NAV3: variants seen among roughly 807,000 people sequenced by gnomAD.
NAV3 encodes neuron navigator 3, also known as pore membrane and/or filament interacting like protein 1.
A neutral mutation model predicts 244.7 loss-of-function variants in NAV3; 87 were observed. The ratio of observed to expected loss-of-function variants is 0.36; its 90% CI spans 0.30 to 0.42. The LOEUF (loss-of-function observed/expected upper bound fraction) is 0.42. NAV3 is among the 20% of genes least tolerant of loss of function. The probability of loss-of-function intolerance (pLI) is 1.00; values close to 1 mark genes in which losing one functional copy is unlikely to be tolerated. For synonymous variants in NAV3, 1,126 were observed against 1,042.2 expected, an observed-to-expected ratio of 1.08 and a Z score of -1.55; for missense variants, 2,663 against 2,893.3, an observed-to-expected ratio of 0.92 and a Z score of 1.83.
At chr12:77,867,271 TTCTC>T (rs1054817798) in intron 1 of NAV3, among the ~76,000 whole-genome samples, 9 of 152,212 alleles carry the variant, frequency 5.9e-5, no homozygotes, top group African/African-American at 2.2e-4. Context: ...CTTGCTCTCA[TTCTC>T]TCTTTCCTGT....
chr12:78,189,045 A>G (rs1958853490), intron 33 of NAV3, among the ~76,000 whole-genome samples: 1 of 151,876 alleles, frequency 6.6e-6, no homozygotes, highest in African/African-American at 2.4e-5. Flanking sequence ...TAGGAATTTC[A>G]AATTTCTGGA....
intron 2 of NAV3, among the ~76,000 whole-genome samples, chr12:77,654,680 T>C (rs1266132561): frequency 1.3e-5 from 2 of 152,114 alleles, no homozygotes; most frequent in Middle Eastern, 3.2e-3. Flanking sequence ...CCCTGACCCC[T>C]GAGCAGCCTA....
chr12:78,196,417 A>G (rs931912586), intron 34 of NAV3, among the ~76,000 whole-genome samples: 1 of 152,020 alleles, frequency 6.6e-6, no homozygotes, highest in East Asian at 1.9e-4. Context: ...AACCAAAATC[A>G]TGGAATTGTT....
At chr12:78,090,189 G>GTATA (rs34476960) in intron 12 of NAV3, among the ~76,000 whole-genome samples, 89 of 146,562 alleles carry the variant, frequency 6.1e-4, no homozygotes, top group African/African-American at 2.1e-3. Context: ...ATATATGTGT[G>GTATA]TATATATATA....
intron 1 of NAV3, among the ~76,000 whole-genome samples, chr12:77,845,099 T>G (rs1206650461): frequency 6.6e-6 from 1 of 152,188 alleles, no homozygotes; most frequent in African/African-American, 2.4e-5. Context: ...CGAGAAAAAT[T>G]TACACACAGT....
intron 2 of NAV3, among the ~76,000 whole-genome samples, chr12:77,605,401 A>C (rs2136790197): frequency 6.6e-6 from 1 of 152,196 alleles, no homozygotes; most frequent in East Asian, 1.9e-4. Flanking sequence ...ATTGGTTATC[A>C]TTATATTTTT....
At chr12:77,968,827 T>A in intron 5 of NAV3, 125 bp downstream of exon 5, 1 of 930,326 alleles carries the variant, frequency 1.1e-6, no homozygotes, top group Non-Finnish European at 1.6e-6. Flanking sequence ...GATGGGATTA[T>A]TTGACTTGTG....
At chr12:77,659,197 C>T (rs181115861) in intron 2 of NAV3, among the ~76,000 whole-genome samples, 3,815 of 151,092 alleles carry the variant, frequency 0.025, 168 homozygotes, top group African/African-American at 0.088. Flanking sequence ...AGAAAATTTT[C>T]GCAACCTACT....
chr12:78,122,108 C>T lies in NAV3; in HGVS notation c.3918C>T (p.Gly1306=), dbSNP rs2138688182. 6.2e-7 allele frequency: 1 copy of T among 1,614,184 alleles called. No homozygotes were observed. Among genetic ancestry groups the T allele is most frequent in the Non-Finnish European group, 8.5e-7 (1 of 1,180,034 alleles). ...TGGGCAGTGCTGGTGGGCTAAGCGGCAGCAGCAGCCCTCTCTTCAATAAAC... is the reference window on the plus strand; with the variant it reads ...TGGGCAGTGCTGGTGGGCTAAGCGGTAGCAGCAGCCCTCTCTTCAATAAAC... ...GSMGSAGGLS[G]SSSPLFNKPS... The change falls in exon 16 of 40, where the codon GGC becomes GGT. Residue 1306 remains glycine, a synonymous_variant. Transcript: ENST00000397909.
intron 1 of NAV3, among the ~76,000 whole-genome samples, chr12:77,867,342 C>T (rs950208874): frequency 2.6e-5 from 4 of 152,144 alleles, no homozygotes; most frequent in African/African-American, 4.8e-5. Flanking sequence ...TCCCCAGCCA[C>T]GTGGAACTGT....
chr12:78,104,893 A>T (rs370307131), intron 12 of NAV3, among the ~76,000 whole-genome samples: 13 of 152,126 alleles, frequency 8.5e-5, no homozygotes, highest in Non-Finnish European at 1.9e-4. Context: ...AAATTAATCT[A>T]TGTCATTTCA....
intron 2 of NAV3, among the ~76,000 whole-genome samples, chr12:77,757,007 T>C (rs1869214983): frequency 6.6e-6 from 1 of 152,192 alleles, no homozygotes; most frequent in South Asian, 2.1e-4. Context: ...TTTACCTCTA[T>C]TAGGTGGCAC....
chr12:78,079,228 CT>C (rs913127832), intron 12 of NAV3, among the ~76,000 whole-genome samples: 1 of 151,844 alleles, frequency 6.6e-6, no homozygotes, highest in African/African-American at 2.4e-5. Context: ...CTAAAGATGT[CT>C]TTTTTTTATT....
At chr12:77,705,476 G>A in intron 2 of NAV3, among the ~76,000 whole-genome samples, 1 of 151,458 alleles carries the variant, frequency 6.6e-6, no homozygotes, top group East Asian at 1.9e-4. Context: ...TAAAAAAATA[G>A]GGGATCTTAA....
chr12:77,684,858 C>G (rs1005815068), intron 2 of NAV3, among the ~76,000 whole-genome samples: 5 of 151,996 alleles, frequency 3.3e-5, no homozygotes, highest in Admixed American at 1.3e-4. Context: ...AATCATGGTT[C>G]CGTTTTTTTC....
intron 22 of NAV3, among the ~76,000 whole-genome samples, chr12:78,156,585 A>T (rs942771099): frequency 6.6e-6 from 1 of 152,156 alleles, no homozygotes; most frequent in African/African-American, 2.4e-5. Context: ...CAAGTTTCAC[A>T]TTTAAGGATT....
At chr12:78,160,575 T>C (rs1335992978) in intron 23 of NAV3, among the ~76,000 whole-genome samples, 2 of 152,166 alleles carry the variant, frequency 1.3e-5, no homozygotes, top group Non-Finnish European at 2.9e-5. Context: ...CTTTAGATTC[T>C]GTAAGTTATG....
chr12:77,920,097 G>A (rs1227012251), intron 1 of NAV3, among the ~76,000 whole-genome samples: 1 of 151,908 alleles, frequency 6.6e-6, no homozygotes, highest in Non-Finnish European at 1.5e-5. Context: ...TTAATAATCC[G>A]GGTTCTGGCA....
intron 12 of NAV3, among the ~76,000 whole-genome samples, chr12:78,110,857 G>C (rs1163853791): frequency 6.6e-6 from 1 of 152,020 alleles, no homozygotes; most frequent in Non-Finnish European, 1.5e-5. Flanking sequence ...ATGAAATCCT[G>C]TCATTTGCAG....
Sources: allele counts gnomAD v4.1 joint callset (sites outside exome capture counted in the v4.1 genomes callset), GRCh38; gene constraint gnomAD v4.1.1; transcripts MANE v1.5; gene names NCBI Gene and HGNC (gene_info 2026-07-23, HGNC 2026-07-21).